The following MTA3 variants were observed in gnomAD, a reference collection of about 807,000 sequenced individuals.
MTA3 encodes metastasis associated 1 family member 3.
A neutral mutation model predicts 83.5 loss-of-function variants in MTA3; 34 were observed. The ratio of observed to expected loss-of-function variants is 0.41; its 90% CI spans 0.31 to 0.54. The LOEUF is 0.54. Among genes scored for constraint, MTA3 ranks in the 20% least tolerant of loss-of-function variants. The pLI is 0.33. For missense variants in MTA3, 761 were observed against 726.4 expected, an observed-to-expected ratio of 1.05 and a Z score of -0.55; for synonymous variants, 303 against 252.7, an observed-to-expected ratio of 1.20 and a Z score of -1.89.
rs200507209 is a variant in MTA3, at chr2:42,701,651, T to TA, written c.1026-2542dup. Among the ~76,000 whole-genome samples the TA allele has an allele frequency of 5.0e-3, 765 of 152,044 alleles. 7 individuals carry two copies. The highest frequency in any genetic ancestry group is 0.018 in the African/African-American group (740 of 41,486). ...AATTTGTTGGCTGGGCACAGTGACT[T>TA]ACGCCTGTAATCCCAGCACTTTGGG... On this transcript the variant is annotated intron_variant, in intron 11 of 16. Transcript: ENST00000405094.
chr2:42,684,004 A>G (rs1276595101), intron 9 of MTA3, among the ~76,000 whole-genome samples: 2 of 152,204 alleles, frequency 1.3e-5, no homozygotes, highest in East Asian at 3.8e-4. Flanking sequence ...ATACAATATG[A>G]TGATTTGATA....
chr2:42,727,201 AAAAG>A (rs911316771), intron 16 of MTA3, among the ~76,000 whole-genome samples: 12 of 152,100 alleles, frequency 7.9e-5, no homozygotes, highest in African/African-American at 2.7e-4. Flanking sequence ...CTGTCTCTTA[AAAAG>A]AAAGAAAGAA....
At chr2:42,494,764 G>C (rs939301927) in exon 1 of MTA3, 2 of 152,520 alleles carry the variant, frequency 1.3e-5, no homozygotes, top group Non-Finnish European at 1.5e-5. Context: ...CTTTCTCTTG[G>C]TCTTCGTCTG....
At chr2:42,503,673 G>A (rs1030737481) in intron 2 of MTA3, among the ~76,000 whole-genome samples, 19 of 152,248 alleles carry the variant, frequency 1.2e-4, no homozygotes, top group African/African-American at 4.3e-4. Context: ...GCTTTGAGGT[G>A]GAGGGTGCCC....
chr2:42,671,772 C>T (rs1324187163), intron 8 of MTA3, among the ~76,000 whole-genome samples: 4 of 152,152 alleles, frequency 2.6e-5, no homozygotes, highest in African/African-American at 9.7e-5. Context: ...ATGTGTGCTA[C>T]CAATTGTTTC....
chr2:42,716,030 T>A (rs1667002369), intron 14 of MTA3, among the ~76,000 whole-genome samples: 1 of 152,246 alleles, frequency 6.6e-6, no homozygotes, highest in African/African-American at 2.4e-5. Flanking sequence ...AGGCGTTTGA[T>A]CCTTACAGGC....
chr2:42,587,266 T>C (rs1467200543), intron 3 of MTA3, among the ~76,000 whole-genome samples: 1 of 151,398 alleles, frequency 6.6e-6, no homozygotes, highest in Non-Finnish European at 1.5e-5. Flanking sequence ...AAGCCATGAT[T>C]GCGCCACTGC....
intron 16 of MTA3, among the ~76,000 whole-genome samples, chr2:42,731,490 A>C (rs188848050): frequency 9.6e-4 from 146 of 152,350 alleles, no homozygotes; most frequent in Non-Finnish European, 1.6e-3. Context: ...AAAATGAGGA[A>C]GAAGCAAAAG....
intron 2 of MTA3, among the ~76,000 whole-genome samples, chr2:42,503,485 C>T (rs1674491586): frequency 6.6e-6 from 1 of 152,206 alleles, no homozygotes; most frequent in Non-Finnish European, 1.5e-5. Context: ...CACTAGATCT[C>T]AGCCTTGTTT....
At chr2:42,581,513 C>G (rs1254544346) in intron 3 of MTA3, among the ~76,000 whole-genome samples, 1 of 151,462 alleles carries the variant, frequency 6.6e-6, no homozygotes, top group South Asian at 2.1e-4. Flanking sequence ...GCTGGGAGTA[C>G]AGGCGCATCT....
chr2:42,745,832 T>TTTTTTTTTTTTTTTTTTTTTTTTTTAAA (rs70963350), intron 16 of MTA3, among the ~76,000 whole-genome samples: 1 of 149,608 alleles, frequency 6.7e-6, no homozygotes, highest in South Asian at 2.2e-4. Context: ...CTCTTTTTTT[T>TTTTTTTTTTTTTTTTTTTTTTTTTTAAA]GAGACAGAGT....
chr2:42,708,814 A>T (rs1666337706), intron 13 of MTA3, 60 bp from the exon 14 acceptor site: 2 of 1,562,680 alleles, frequency 1.3e-6, no homozygotes, highest in Admixed American at 3.6e-5. Context: ...CATGATGCAA[A>T]CAGTAACGTG....
At chr2:42,549,266 G>C (rs925337224) in intron 2 of MTA3, among the ~76,000 whole-genome samples, 1 of 111,456 alleles carries the variant, frequency 9.0e-6, no homozygotes, top group African/African-American at 3.4e-5. Flanking sequence ...TATTATATAC[G>C]TGTACGTATA....
At chr2:42,682,942 C>T (rs567446154) in intron 9 of MTA3, among the ~76,000 whole-genome samples, 4 of 152,064 alleles carry the variant, frequency 2.6e-5, no homozygotes, top group South Asian at 2.1e-4. Flanking sequence ...CGTGGTGGCA[C>T]GTGCCTGTAG....
At chr2:42,752,095 G>C (rs1669916717) in intron 16 of MTA3, 2 of 440,344 alleles carry the variant, frequency 4.5e-6, no homozygotes, top group Non-Finnish European at 9.4e-6. Flanking sequence ...AAATAAGGTA[G>C]TTACATAACC....
intron 16 of MTA3, among the ~76,000 whole-genome samples, chr2:42,741,306 T>A (rs748202566): frequency 1.3e-5 from 2 of 152,254 alleles, no homozygotes; most frequent in Non-Finnish European, 2.9e-5. Context: ...TTTCTCCTTA[T>A]CAGCAGTAAG....
intron 16 of MTA3, among the ~76,000 whole-genome samples, chr2:42,728,854 A>G (rs188214454): frequency 1.3e-5 from 2 of 152,238 alleles, no homozygotes; most frequent in Admixed American, 6.5e-5. Flanking sequence ...TATTCTAGCT[A>G]TTAATCCCTT....
intron 16 of MTA3, among the ~76,000 whole-genome samples, chr2:42,747,442 C>T (rs1033313006): frequency 6.6e-6 from 1 of 151,920 alleles, no homozygotes; most frequent in Admixed American, 6.5e-5. Flanking sequence ...GGTGGGGGTG[C>T]AGAATACTAG....
intron 3 of MTA3, among the ~76,000 whole-genome samples, chr2:42,594,270 G>C (rs911008356): frequency 2.3e-4 from 26 of 111,520 alleles, no homozygotes; most frequent in African/African-American, 8.0e-4. Context: ...TTTTTTAAAA[G>C]ACAGTCCCTA....
Sources: allele counts gnomAD v4.1 joint callset (sites outside exome capture counted in the v4.1 genomes callset), GRCh38; gene constraint gnomAD v4.1.1; transcripts MANE v1.5; gene names NCBI Gene and HGNC (gene_info 2026-07-23, HGNC 2026-07-21).